Variants in DPH6 observed in about 807,000 individuals in gnomAD.
DPH6 encodes the protein diphthamine biosynthesis 6, also known as diphthine--ammonia ligase.
A neutral mutation model predicts 38.2 loss-of-function variants in DPH6; 33 were observed. The observed-to-expected ratio is 0.86, with a 90% CI of 0.65 to 1.15. The LOEUF (loss-of-function observed/expected upper bound fraction) is 1.15, where lower values mean the gene tolerates loss of function less well. Ranked by LOEUF, DPH6 falls within the 50% of genes most tolerant of loss-of-function variation. The pLI is 0.00. For synonymous variants in DPH6, 108 were observed against 103.0 expected (o/e 1.05, Z -0.30); for missense variants, 325 against 320.0 (o/e 1.02, Z -0.12).
At chr15:35,490,109 C>A in intron 3 of DPH6, 4 of 985,356 alleles carry the variant, frequency 4.1e-6, no homozygotes, top group Non-Finnish European at 4.8e-6. Flanking sequence ...CTCACCAGCT[C>A]TTTTTCAACT....
At chr15:35,251,231 G>A (rs2051671298) in intron 3 of DPH6, among the ~76,000 whole-genome samples, 1 of 151,598 alleles carries the variant, frequency 6.6e-6, no homozygotes, top group Non-Finnish European at 1.5e-5. Context: ...TAGATTCAGG[G>A]GATACAAGTG....
At chr15:35,184,029 T>G in the DPH6 span, among the ~76,000 whole-genome samples, 2 of 152,222 alleles carry the variant, frequency 1.3e-5, no homozygotes, top group African/African-American at 4.8e-5. Flanking sequence ...ACGACAGATT[T>G]CTAGGACATA....
chr15:35,545,434 T>C (rs1318146621), intron 1 of DPH6, among the ~76,000 whole-genome samples: 1 of 152,162 alleles, frequency 6.6e-6, no homozygotes, highest in Non-Finnish European at 1.5e-5. Flanking sequence ...TCTAAAGCAA[T>C]GATGAGAGTC....
downstream of DPH6, among the ~76,000 whole-genome samples, chr15:35,214,042 A>G (rs982226914): frequency 9.2e-5 from 14 of 151,784 alleles, no homozygotes; most frequent in African/African-American, 3.1e-4. Context: ...AACCCGCGAG[A>G]CAGAGCTTGC....
chr15:35,321,692 T>G (rs919347580), intron 3 of DPH6, among the ~76,000 whole-genome samples: 7 of 152,224 alleles, frequency 4.6e-5, no homozygotes, highest in Admixed American at 3.3e-4. Flanking sequence ...GTTTTATGGA[T>G]TTTTCTAAAA....
In DPH6 at chr15:35,371,595, T is replaced by G. The variant is rs2052713843; in HGVS notation, c.*555A>C. On this transcript the variant is annotated 3_prime_UTR_variant, in exon 9 of 9. Transcript: ENST00000256538. Reference sequence around the variant, plus strand: ...ATACTGAAAAACAGCATTTTAAAAATCAGTTATAAAATAACTTGTAAGAGT... The same window carrying G: ...ATACTGAAAAACAGCATTTTAAAAAGCAGTTATAAAATAACTTGTAAGAGT... The G allele has an allele frequency of 2.0e-6, 2 of 981,772 alleles. No individual in the cohort carries two copies. Among genetic ancestry groups the G allele is most frequent in the Non-Finnish European group, 2.4e-6 (2 of 826,808 alleles). The allele number at this position is 981,772 out of a possible 1,614,324, so 60.8% of individuals were successfully genotyped here.
At chr15:35,317,402 A>AAAAG (rs752098227) in intron 3 of DPH6, among the ~76,000 whole-genome samples, 7 of 137,346 alleles carry the variant, frequency 5.1e-5, no homozygotes, top group Non-Finnish European at 1.1e-4. Context: ...AAAGGAAAGA[A>AAAAG]AAAGAAAGAA....
chr15:35,196,805 C>A, the DPH6 span, among the ~76,000 whole-genome samples: 1 of 152,130 alleles, frequency 6.6e-6, no homozygotes, highest in African/African-American at 2.4e-5. Flanking sequence ...TAACTCCAAG[C>A]AACCAAGTTA....
chr15:35,415,696 C>T (rs1169722930), intron 5 of DPH6, among the ~76,000 whole-genome samples: 2 of 151,858 alleles, frequency 1.3e-5, no homozygotes, highest in Admixed American at 6.6e-5. Context: ...AATTAGTTGG[C>T]CATTTAAACA....
intron 3 of DPH6, among the ~76,000 whole-genome samples, chr15:35,339,888 T>C (rs774223686): frequency 1.2e-4 from 19 of 152,318 alleles, no homozygotes; most frequent in Non-Finnish European, 2.6e-4. Context: ...TGTAGATATC[T>C]ATCAAGTCCA....
At chr15:35,426,657 A>G (rs16960911) in intron 5 of DPH6, among the ~76,000 whole-genome samples, 5,913 of 151,880 alleles carry the variant, frequency 0.039, 392 homozygotes, top group African/African-American at 0.14. Context: ...TGGTATGGGC[A>G]TCTCTTAATG....
At chr15:35,316,873 T>G (rs1268987345) in intron 3 of DPH6, among the ~76,000 whole-genome samples, 1 of 152,208 alleles carries the variant, frequency 6.6e-6, no homozygotes, top group Non-Finnish European at 1.5e-5. Flanking sequence ...TATGGTTGAC[T>G]TCTTAATGGA....
intron 3 of DPH6, among the ~76,000 whole-genome samples, chr15:35,222,035 T>C (rs2051446379): frequency 6.6e-6 from 1 of 152,208 alleles, no homozygotes; most frequent in Admixed American, 6.5e-5. Context: ...GCCTTAACTC[T>C]AGTTTCCAAT....
chr15:35,399,377 G>A (rs1421212953), intron 6 of DPH6, among the ~76,000 whole-genome samples: 1 of 152,032 alleles, frequency 6.6e-6, no homozygotes, highest in Non-Finnish European at 1.5e-5. Flanking sequence ...TCAAAATGAG[G>A]AGACAAAAGT....
At chr15:35,257,548 C>T (rs1053236027) in intron 3 of DPH6, among the ~76,000 whole-genome samples, 159 of 152,248 alleles carry the variant, frequency 1.0e-3, no homozygotes, top group African/African-American at 3.7e-3. Context: ...GTATAACAAC[C>T]TCTTAAGTAG....
At chr15:35,250,928 T>A (rs2051669647) in intron 3 of DPH6, among the ~76,000 whole-genome samples, 1 of 152,242 alleles carries the variant, frequency 6.6e-6, no homozygotes, top group Admixed American at 6.5e-5. Flanking sequence ...AGTTACTTAC[T>A]GAGTTAGTCA....
At chr15:35,194,267 T>G in the DPH6 span, among the ~76,000 whole-genome samples, 3 of 152,074 alleles carry the variant, frequency 2.0e-5, no homozygotes. Flanking sequence ...CATCGGTGCT[T>G]TAAAGATATG....
At chr15:35,179,004 C>T in the DPH6 span, among the ~76,000 whole-genome samples, 6 of 151,768 alleles carry the variant, frequency 4.0e-5, no homozygotes, top group African/African-American at 9.7e-5. Flanking sequence ...GTTGGGAGTT[C>T]GAGACCAGCC....
chr15:35,146,069 CTGTGTG>C, the DPH6 span, among the ~76,000 whole-genome samples: 33,326 of 146,916 alleles, frequency 0.23, 4,078 homozygotes, highest in East Asian at 0.36. Flanking sequence ...CTTATAGTTT[CTGTGTG>C]TGTGTGTGTG....
Sources: gnomAD v4.1 joint callset for allele counts (sites outside exome capture counted in the v4.1 genomes callset) on GRCh38, gnomAD v4.1.1 for gene constraint, MANE v1.5 for transcripts, NCBI Gene and HGNC (gene_info 2026-07-23, HGNC 2026-07-21) for gene names.